IL4I1: variants seen among roughly 807,000 people sequenced by gnomAD.
The protein encoded by IL4I1 is L-amino-acid oxidase.
In IL4I1, 24 loss-of-function variants were observed where a neutral mutation model predicts 29.7. The ratio of observed to expected loss-of-function variants is 0.81; its 90% confidence interval spans 0.59 to 1.14. IL4I1 has a LOEUF of 1.14. Among genes scored for constraint, IL4I1 ranks in the 50% most tolerant of loss-of-function variants. The pLI, the probability that IL4I1 is intolerant of heterozygous loss-of-function variation, is 0.00. For missense variants in IL4I1, 686 were observed against 785.6 expected, an observed-to-expected ratio of 0.87 and a Z score of 1.52; for synonymous variants, 371 against 352.5, an observed-to-expected ratio of 1.05 and a Z score of -0.59.
At chr19:49,906,156 T>G (rs2075320152) in intron 2 of IL4I1, among the ~76,000 whole-genome samples, 1 of 152,138 alleles carries the variant, frequency 6.6e-6, no homozygotes, top group African/African-American at 2.4e-5. Context: ...ATGCTGCCCA[T>G]GACATCTGTA....
intron 2 of IL4I1, among the ~76,000 whole-genome samples, chr19:49,916,641 G>A (rs1463007257): frequency 3.3e-5 from 5 of 151,898 alleles, no homozygotes; most frequent in South Asian, 4.2e-4. Context: ...GTGGGTGCCC[G>A]TAGTCCCAGC....
intron 2 of IL4I1, chr19:49,906,873 G>A (rs184961731): frequency 6.6e-6 from 1 of 152,360 alleles, no homozygotes; most frequent in East Asian, 1.9e-4. Context: ...ACAGTAATAG[G>A]TATTTCAGAG....
At chr19:49,914,378 C>T (rs549810976) in intron 2 of IL4I1, among the ~76,000 whole-genome samples, 1 of 152,226 alleles carries the variant, frequency 6.6e-6, no homozygotes, top group Admixed American at 6.5e-5. Context: ...GGCCTGTGCT[C>T]AGGGCTGGGT....
intron 2 of IL4I1, among the ~76,000 whole-genome samples, chr19:49,914,182 T>C (rs2075559048): frequency 6.6e-6 from 1 of 152,194 alleles, no homozygotes; most frequent in Non-Finnish European, 1.5e-5. Flanking sequence ...CCACAAATAC[T>C]AGAACTTGGG....
upstream of IL4I1, among the ~76,000 whole-genome samples, chr19:49,898,592 G>T (rs965414665): frequency 6.6e-6 from 1 of 152,050 alleles, no homozygotes; most frequent in East Asian, 1.9e-4. Flanking sequence ...TTGAGGCCAG[G>T]CACAGTGGCT....
intron 4 of IL4I1, 144 bp from the exon 5 acceptor site, chr19:49,894,613 A>C: frequency 1.6e-6 from 1 of 637,064 alleles, no homozygotes; most frequent in Non-Finnish European, 2.8e-6. Context: ...GGGGTAATCA[A>C]TGCTGGGGGA....
chr19:49,889,840 AT>A lies in IL4I1; in HGVS notation c.1533del (p.Ser512ArgfsTer?). 3 of 1,584,206 alleles carry A rather than the reference AT, an allele frequency of 1.9e-6. No homozygotes were observed. Among genetic ancestry groups the A allele is most frequent in the Non-Finnish European group, 2.6e-6 (3 of 1,164,560 alleles). On this transcript the variant is annotated frameshift_variant, in exon 8 of 8. Coordinates refer to ENST00000391826, the MANE Select transcript of IL4I1 (RefSeq NM_152899.2). LOFTEE classifies it low-confidence loss of function (END_TRUNC). ...AIKINSRKGP[A>X]SDTASPEGHA... ...TGCCCCTCGGGGCTGGCCGTGTCCG[AT>A]GCAGGCCCCTTCCGGCTGTTGATCT...
Position 49,908,529 on chromosome 19 carries a change from C to T in IL4I1, c.-227-4208G>A, listed in dbSNP as rs1056692605. 18 of 1,614,068 alleles carry T rather than the reference C, an allele frequency of 1.1e-5. No homozygotes were observed. In the Admixed American group the frequency reaches 3.0e-4, roughly 27 times the overall value. On this transcript the variant is annotated intron_variant, in intron 2 of 9. Coordinates refer to the IL4I1 transcript ENST00000341114. ...TTGTAGGTTTTCTCACGCTCCTCAT[C>T]CGCGTGCTGCAGGTAGATGGTCCCG...
At chr19:49,899,652 G>A (rs2122547217), upstream of IL4I1, among the ~76,000 whole-genome samples, 1 of 151,976 alleles carries the variant, frequency 6.6e-6, no homozygotes, top group East Asian at 1.9e-4. Context: ...CACCTCCTGG[G>A]TTCACGCCAT....
chr19:49,891,561 G>C (rs1600465334), intron 5 of IL4I1, 88 bp from the exon 6 acceptor site: 16 of 1,198,658 alleles, frequency 1.3e-5, no homozygotes, highest in Middle Eastern at 2.0e-4. Flanking sequence ...GCTTCTCCTC[G>C]TGGTTCTGCC....
intron 2 of IL4I1, chr19:49,908,398 T>C: frequency 6.2e-7 from 1 of 1,614,194 alleles, no homozygotes; most frequent in South Asian, 1.1e-5. Flanking sequence ...TCTGCTGCAG[T>C]GGGTCACTGG....
At chr19:49,925,466 A>G (rs12984963) in intron 2 of IL4I1, among the ~76,000 whole-genome samples, 24,456 of 143,188 alleles carry the variant, frequency 0.17, 2,563 homozygotes, top group Non-Finnish European at 0.24. Context: ...AAAAAAAAAT[A>G]GCATCCTACC....
At chr19:49,909,592 T>C in intron 2 of IL4I1, 2 of 1,613,968 alleles carry the variant, frequency 1.2e-6, no homozygotes, top group Non-Finnish European at 1.7e-6. Context: ...AAGTGAAGCC[T>C]GTCGTCTGTG....
chr19:49,919,701 T>C (rs2075717836), intron 2 of IL4I1, among the ~76,000 whole-genome samples: 1 of 152,156 alleles, frequency 6.6e-6, no homozygotes, highest in South Asian at 2.1e-4. Context: ...AACAGCAATT[T>C]TCCCCACAGG....
At chr19:49,920,482 A>G (rs1213339385) in intron 2 of IL4I1, among the ~76,000 whole-genome samples, 3 of 152,210 alleles carry the variant, frequency 2.0e-5, no homozygotes, top group Non-Finnish European at 4.4e-5. Context: ...GGACACTGAT[A>G]AATGGATATG....
intron 2 of IL4I1, among the ~76,000 whole-genome samples, chr19:49,905,000 G>A (rs1481590144): frequency 4.6e-5 from 7 of 152,100 alleles, no homozygotes; most frequent in Admixed American, 3.3e-4. Flanking sequence ...ATGAGCCACC[G>A]TGCCCAGCCC....
At position 49,909,313 on chromosome 19, in the gene IL4I1, C is replaced by T. The variant is rs755550199; in HGVS notation, c.-227-4992G>A. 50 of 1,613,786 alleles carry T rather than the reference C, an allele frequency of 3.1e-5. No individual in the cohort carries two copies. Among genetic ancestry groups the T allele is most frequent in the Non-Finnish European group, 3.6e-5 (43 of 1,180,010 alleles). On this transcript the variant is annotated intron_variant, in intron 2 of 9. Coordinates refer to the IL4I1 transcript ENST00000341114. The stretch of plus-strand genomic sequence containing the variant: ...CAATGTTGAAACCGGAGGGTTGGGC[C>T]GTGCTTCCACCAGTGAATGAGAAGC...
Position 49,889,820 on chromosome 19 carries a change from C to G in IL4I1, c.1554G>C (p.Glu518Asp). ...GCCCCTCCATGTCAGATGCGTGCCC[C>G]TCGGGGCTGGCCGTGTCCGATGCAG... Reference protein sequence around the residue: ...KGPASDTASPEGHASDMEGQG... With the variant: ...KGPASDTASPDGHASDMEGQG... The change falls in exon 8 of 8, where the codon GAG becomes GAC. Residue 518 changes from glutamate (E) to aspartate (D), a missense_variant. Transcript: ENST00000391826. The G allele has an allele frequency of 6.4e-7, 1 of 1,559,520 alleles. No individual in the cohort carries two copies. Among genetic ancestry groups the G allele is most frequent in the Middle Eastern group, 1.7e-4 (1 of 5,798 alleles).
intron 5 of IL4I1, among the ~76,000 whole-genome samples, 168 bp downstream of exon 5, chr19:49,894,100 A>G (rs1243586753): frequency 6.6e-6 from 1 of 151,606 alleles, no homozygotes; most frequent in East Asian, 1.9e-4. Flanking sequence ...GTCAGTGGTT[A>G]GACCTCATGG....
Sources: gnomAD v4.1 joint callset for allele counts (sites outside exome capture counted in the v4.1 genomes callset) on GRCh38, gnomAD v4.1.1 for gene constraint, MANE v1.5 for transcripts, NCBI Gene and HGNC (gene_info 2026-07-23, HGNC 2026-07-21) for gene names.